Variants in GRIA4 observed in about 807,000 individuals in gnomAD.
GRIA4 encodes glutamate receptor 4.
GRIA4 carries 34 observed loss-of-function variants against 104.0 expected under a neutral mutation model. The ratio of observed to expected loss-of-function variants is 0.33; its 90% CI spans 0.25 to 0.44. The LOEUF (loss-of-function observed/expected upper bound fraction) is 0.44, where lower values mean the gene tolerates loss of function less well. Among genes scored for constraint, GRIA4 ranks in the 20% least tolerant of loss-of-function variants. GRIA4 has a pLI of 1.00. For synonymous variants in GRIA4, 386 were observed against 381.9 expected (o/e 1.01, Z -0.13); for missense variants, 750 against 1,096.5 (o/e 0.68, Z 4.46).
intron 3 of GRIA4, among the ~76,000 whole-genome samples, chr11:105,693,652 A>G (rs922227096): frequency 6.6e-6 from 1 of 152,226 alleles, no homozygotes; most frequent in Non-Finnish European, 1.5e-5. Context: ...AAACGCTAAC[A>G]GAGCACAAGT....
chr11:105,672,148 G>A (rs1952394029), intron 3 of GRIA4, among the ~76,000 whole-genome samples: 1 of 152,122 alleles, frequency 6.6e-6, no homozygotes, highest in East Asian at 1.9e-4. Context: ...CATGGTGAAA[G>A]GTTATAAAAA....
At chr11:105,903,197 G>A (rs1202971776) in intron 7 of GRIA4, among the ~76,000 whole-genome samples, 3 of 152,132 alleles carry the variant, frequency 2.0e-5, no homozygotes, top group Non-Finnish European at 2.9e-5. Context: ...ATTGGGTGTG[G>A]TGTGGCAATA....
intron 4 of GRIA4, among the ~76,000 whole-genome samples, chr11:105,835,981 G>T (rs1428810390): frequency 6.6e-6 from 1 of 152,062 alleles, no homozygotes; most frequent in Non-Finnish European, 1.5e-5. Context: ...AATAAAAGAA[G>T]ATTTGGAACA....
chr11:105,964,495 A>G (rs182971801), intron 14 of GRIA4, among the ~76,000 whole-genome samples: 28 of 152,318 alleles, frequency 1.8e-4, no homozygotes, highest in African/African-American at 6.0e-4. Flanking sequence ...TAGTTGGCTA[A>G]ATGTCATTTT....
intron 3 of GRIA4, among the ~76,000 whole-genome samples, chr11:105,693,489 G>A (rs771330387): frequency 6.6e-6 from 1 of 152,142 alleles, no homozygotes; most frequent in Middle Eastern, 3.4e-3. Context: ...TTTAAAAAAG[G>A]GAATGTAAAT....
chr11:105,892,548 T>C (rs543862557), intron 6 of GRIA4, among the ~76,000 whole-genome samples: 2 of 152,246 alleles, frequency 1.3e-5, no homozygotes, highest in South Asian at 4.1e-4. Context: ...GCAAAGTGAC[T>C]TGTTTGCATT....
chr11:105,941,766 G>A (rs1428906725), intron 14 of GRIA4, among the ~76,000 whole-genome samples: 3 of 152,102 alleles, frequency 2.0e-5, no homozygotes, highest in African/African-American at 7.2e-5. Flanking sequence ...CCCCCTTTCT[G>A]TTGTTGCTTC....
chr11:105,870,400 T>C (rs918324157), intron 5 of GRIA4, among the ~76,000 whole-genome samples: 2 of 152,022 alleles, frequency 1.3e-5, no homozygotes, highest in African/African-American at 4.8e-5. Context: ...TTTGGTCATT[T>C]ATTTAACACA....
intron 4 of GRIA4, among the ~76,000 whole-genome samples, chr11:105,782,356 G>C (rs1415947084): frequency 2.0e-5 from 3 of 152,172 alleles, no homozygotes; most frequent in Non-Finnish European, 4.4e-5. Context: ...TTCATACTAA[G>C]AAATCCTCAG....
At chr11:105,681,872 T>C (rs988854721) in intron 3 of GRIA4, among the ~76,000 whole-genome samples, 2 of 151,992 alleles carry the variant, frequency 1.3e-5, no homozygotes, top group African/African-American at 2.4e-5. Flanking sequence ...TGAAACCCCA[T>C]CTCTACTAAA....
intron 6 of GRIA4, among the ~76,000 whole-genome samples, chr11:105,888,503 G>T (rs569782357): frequency 4.6e-5 from 7 of 151,532 alleles, no homozygotes; most frequent in East Asian, 3.9e-4. Flanking sequence ...AGCCGGGATG[G>T]TCTCGATCTC....
At chr11:105,680,037 G>C (rs1391199305) in intron 3 of GRIA4, among the ~76,000 whole-genome samples, 2 of 152,100 alleles carry the variant, frequency 1.3e-5, no homozygotes, top group Non-Finnish European at 2.9e-5. Context: ...TTGGTAGTCA[G>C]GATCAATCAC....
At chr11:105,736,731 A>G (rs1452784291) in intron 3 of GRIA4, among the ~76,000 whole-genome samples, 1 of 152,112 alleles carries the variant, frequency 6.6e-6, no homozygotes, top group East Asian at 1.9e-4. Flanking sequence ...ATTCTACTAT[A>G]AAGTCTGACC....
intron 3 of GRIA4, among the ~76,000 whole-genome samples, chr11:105,696,981 C>T (rs140690201): frequency 6.6e-6 from 1 of 152,242 alleles, no homozygotes; most frequent in East Asian, 1.9e-4. Context: ...CCAGGCTGAT[C>T]TTGAACTCCT....
intron 7 of GRIA4, 126 bp downstream of exon 7, chr11:105,898,553 C>T (rs1026873463): frequency 4.6e-5 from 29 of 635,748 alleles, no homozygotes; most frequent in Non-Finnish European, 7.5e-5. Flanking sequence ...AGCATTTTGT[C>T]CTTATAACTG....
At chr11:105,874,816 G>A (rs542500310) in intron 5 of GRIA4, among the ~76,000 whole-genome samples, 278 of 152,322 alleles carry the variant, frequency 1.8e-3, no homozygotes, top group Middle Eastern at 3.4e-3. Context: ...ATTTTGGGCT[G>A]AGAAGATGGG....
chr11:105,801,422 T>C (rs1458048202), intron 4 of GRIA4, among the ~76,000 whole-genome samples: 1 of 151,894 alleles, frequency 6.6e-6, no homozygotes, highest in Non-Finnish European at 1.5e-5. Flanking sequence ...ATGAACATTT[T>C]AACAGAAAAA....
chr11:105,874,447 C>T (rs1315952323), intron 5 of GRIA4, among the ~76,000 whole-genome samples: 2 of 152,044 alleles, frequency 1.3e-5, no homozygotes, highest in South Asian at 2.1e-4. Flanking sequence ...TTTTCTAACC[C>T]GGTGAAGAAA....
At chr11:105,769,424 T>G (rs1449519230) in intron 4 of GRIA4, among the ~76,000 whole-genome samples, 1 of 152,020 alleles carries the variant, frequency 6.6e-6, no homozygotes, top group Non-Finnish European at 1.5e-5. Context: ...GAGAGAACAG[T>G]GTACCCATGA....
Sources: gnomAD v4.1 joint callset for allele counts (sites outside exome capture counted in the v4.1 genomes callset) on GRCh38, gnomAD v4.1.1 for gene constraint, MANE v1.5 for transcripts, NCBI Gene and HGNC (gene_info 2026-07-23, HGNC 2026-07-21) for gene names.